Variants in RAB3GAP2 observed in about 807,000 individuals in gnomAD.
RAB3GAP2 encodes RAB3 GTPase activating non-catalytic protein subunit 2.
Under a neutral mutation model 185.3 loss-of-function variants are expected in RAB3GAP2, and 87 were observed. The observed-to-expected ratio is 0.47, with a 90% CI of 0.39 to 0.56. The LOEUF (loss-of-function observed/expected upper bound fraction) is 0.56, where lower values mean the gene tolerates loss of function less well. RAB3GAP2 is among the 20% of genes least tolerant of loss of function. RAB3GAP2 has a pLI of 0.00. For synonymous variants in RAB3GAP2, 554 were observed against 576.1 expected, an observed-to-expected ratio of 0.96 and a Z score of 0.55; for missense variants, 1,492 against 1,638.2, an observed-to-expected ratio of 0.91 and a Z score of 1.54.
At chr1:220,200,675 A>G in intron 9 of RAB3GAP2, 1 of 507,564 alleles carries the variant, frequency 2.0e-6, no homozygotes, top group Non-Finnish European at 4.0e-6. Context: ...AACACTTTGG[A>G]ATTTTGCAGC....
Position 220,248,180 on chromosome 1 carries a change from A to G in RAB3GAP2, c.116-15317T>C, listed in dbSNP as rs1462773993. Among the ~76,000 whole-genome samples, 7 of 152,190 alleles carry G rather than the reference A, an allele frequency of 4.6e-5. No homozygotes were observed. In the South Asian group the frequency reaches 1.0e-3, roughly 22 times the overall value. ...TAAATACTGTATGATCTCACTTATA[A>G]GTGGAATCTAAAAAAGTCAAACTAC... On this transcript the variant is annotated intron_variant, in intron 1 of 34. Transcript: ENST00000358951.
intron 31 of RAB3GAP2, among the ~76,000 whole-genome samples, chr1:220,155,503 G>A (rs987570722): frequency 6.6e-6 from 1 of 152,126 alleles, no homozygotes; most frequent in East Asian, 1.9e-4. Context: ...CCACCTGGTG[G>A]TCCTAGCTAT....
chr1:220,267,907 A>G (rs1279897615), intron 1 of RAB3GAP2: 1 of 755,274 alleles, frequency 1.3e-6, no homozygotes, highest in Non-Finnish European at 2.4e-6. Context: ...TTTTCTTCAG[A>G]TTGGTCCGTG....
chr1:220,159,330 C>T (rs1466433507), intron 29 of RAB3GAP2, 56 bp downstream of exon 29: 11 of 1,389,924 alleles, frequency 7.9e-6, no homozygotes, highest in Non-Finnish European at 1.1e-5. Flanking sequence ...TAATAAAGTA[C>T]TACATAAAAG....
At chr1:220,217,918 C>T (rs1381254261) in intron 2 of RAB3GAP2, among the ~76,000 whole-genome samples, 1 of 152,186 alleles carries the variant, frequency 6.6e-6, no homozygotes, top group Non-Finnish European at 1.5e-5. Flanking sequence ...AGATTATGAT[C>T]AAGCTGCTGC....
Position 220,184,135 on chromosome 1 carries a change from T to C in RAB3GAP2, c.1899A>G (p.Leu633=), listed in dbSNP as rs1278286519. 2.5e-6 allele frequency: 4 copies of C among 1,610,900 alleles called. No individual in the cohort carries two copies. The East Asian group carries it at 6.7e-5, about 27-fold the overall frequency. ...QELESVDEGL[L]QFCANKLKLL... ...GTTTTAGTTTATTGGCACAAAACTG[T>C]AGCAATCCTTCATCAACAGACTCAA... Residue 633 remains leucine (L), a synonymous_variant, in exon 19 of 35, where the codon CTA becomes CTG. Transcript: ENST00000358951.
chr1:220,179,397 G>C (rs1008541820), intron 21 of RAB3GAP2, among the ~76,000 whole-genome samples: 1 of 152,080 alleles, frequency 6.6e-6, no homozygotes, highest in Admixed American at 6.5e-5. Context: ...AGATCTAAAG[G>C]GAGAGACAGA....
chr1:220,183,577 G>GT (rs1243099393), intron 19 of RAB3GAP2, among the ~76,000 whole-genome samples: 1 of 151,988 alleles, frequency 6.6e-6, no homozygotes, highest in African/African-American at 2.4e-5. Context: ...TAATAAACAT[G>GT]TATTACTGTA....
intron 24 of RAB3GAP2, among the ~76,000 whole-genome samples, 154 bp from the exon 25 acceptor site, chr1:220,167,829 T>A (rs1453462447): frequency 1.3e-5 from 2 of 152,172 alleles, no homozygotes; most frequent in Non-Finnish European, 2.9e-5. Flanking sequence ...TACAGCAGTG[T>A]TCCTACCTAC....
At chr1:220,152,214 T>G (rs1657770156) in intron 33 of RAB3GAP2, among the ~76,000 whole-genome samples, 1 of 152,204 alleles carries the variant, frequency 6.6e-6, no homozygotes, top group Non-Finnish European at 1.5e-5. Flanking sequence ...TAGCTGGGAT[T>G]ACAGGCACAT....
intron 28 of RAB3GAP2, among the ~76,000 whole-genome samples, chr1:220,161,849 A>G (rs181817029): frequency 1.8e-3 from 276 of 152,342 alleles, no homozygotes; most frequent in African/African-American, 6.3e-3. Flanking sequence ...GGAGAATGCA[A>G]TCAACTCCAT....
chr1:220,193,029 TA>T lies in RAB3GAP2; in HGVS notation c.1270+210del, dbSNP rs1266676155. ...GAAAGAAAGTGCAAAAGGCAAAGGT[TA>T]AACATGGCTATGAGGTGATCAAACC... On this transcript the variant is annotated intron_variant, in intron 13 of 34. Transcript: ENST00000358951. Among the ~76,000 whole-genome samples, 7 of 152,258 alleles carry T rather than the reference TA, an allele frequency of 4.6e-5. No individual in the cohort carries two copies. In the South Asian group the frequency reaches 1.4e-3, roughly 32 times the overall value.
At chr1:220,190,010 AT>A in intron 16 of RAB3GAP2, 53 bp downstream of exon 16, 1 of 1,397,288 alleles carries the variant, frequency 7.2e-7, no homozygotes, top group Non-Finnish European at 1.0e-6. Flanking sequence ...TATTTTATTG[AT>A]TTAAAAGATG....
chr1:220,243,039 T>A (rs1641952456), intron 1 of RAB3GAP2, among the ~76,000 whole-genome samples: 1 of 152,232 alleles, frequency 6.6e-6, no homozygotes, highest in African/African-American at 2.4e-5. Flanking sequence ...ACCTTCAACA[T>A]CAGCCTTTAT....
chr1:220,225,067 G>A (rs1372379908), intron 2 of RAB3GAP2, among the ~76,000 whole-genome samples: 1 of 152,138 alleles, frequency 6.6e-6, no homozygotes, highest in Non-Finnish European at 1.5e-5. Context: ...AATGCCTAAG[G>A]AGCGCAGATT....
chr1:220,163,695 C>G (rs1393932038), intron 27 of RAB3GAP2, among the ~76,000 whole-genome samples: 1 of 137,334 alleles, frequency 7.3e-6, no homozygotes, highest in Non-Finnish European at 1.6e-5. Context: ...ATAGAATAAT[C>G]TAAACATGAT....
At chr1:220,167,253 A>C (rs1658086053) in intron 26 of RAB3GAP2, 40 bp downstream of exon 26, 1 of 1,547,672 alleles carries the variant, frequency 6.5e-7, no homozygotes. Flanking sequence ...GCATGAACAC[A>C]GAAGCAGAAA....
chr1:220,258,018 A>G (rs116839498), intron 1 of RAB3GAP2, among the ~76,000 whole-genome samples: 10,464 of 152,228 alleles, frequency 0.069, 479 homozygotes, highest in South Asian at 0.12. Context: ...TCCTAGACAC[A>G]TACATCTTCC....
rs1043293091 is a variant in RAB3GAP2 at position 220,174,173 on chromosome 1, A to G, written c.2311-1431T>C. On this transcript the variant is annotated intron_variant, in intron 21 of 34. Coordinates refer to ENST00000358951, the MANE Select transcript of RAB3GAP2 (RefSeq NM_012414.4). Reference sequence around the variant, plus strand: ...TATTTTCTCTTCTCCCCCTTTAAAAATGTTCACATGTGTATGAGGATATAT... The same window carrying G: ...TATTTTCTCTTCTCCCCCTTTAAAAGTGTTCACATGTGTATGAGGATATAT... 2.6e-5 allele frequency among the ~76,000 whole-genome samples: 4 copies of G among 152,260 alleles called. 1 individual carries two copies. Among genetic ancestry groups the G allele is most frequent in the Admixed American group, 6.5e-5 (1 of 15,280 alleles).
Sources: gnomAD v4.1 joint callset for allele counts (sites outside exome capture counted in the v4.1 genomes callset) on GRCh38, gnomAD v4.1.1 for gene constraint, MANE v1.5 for transcripts, NCBI Gene and HGNC (gene_info 2026-07-23, HGNC 2026-07-21) for gene names.